Variants in PCDHGA6 observed in about 807,000 individuals in gnomAD.
The protein encoded by PCDHGA6 is protocadherin gamma-A6.
In PCDHGA6, 41 loss-of-function variants were observed where a neutral mutation model predicts 60.6. The ratio of observed to expected loss-of-function variants is 0.68; its 90% CI spans 0.53 to 0.88. The LOEUF (loss-of-function observed/expected upper bound fraction) is 0.88, where lower values mean the gene tolerates loss of function less well. Among genes scored for constraint, PCDHGA6 ranks in the 40% least tolerant of loss-of-function variants. PCDHGA6 has a pLI of 0.00. For synonymous variants in PCDHGA6, 594 were observed against 524.4 expected, an observed-to-expected ratio of 1.13 and a Z score of -1.81; for missense variants, 1,312 against 1,203.0, an observed-to-expected ratio of 1.09 and a Z score of -1.34.
Position 141,434,784 on chromosome 5 carries a change from AT to A in PCDHGA6, c.2424+58286del, listed in dbSNP as rs201914459. On this transcript the variant is annotated intron_variant, in intron 1 of 3. Transcript: ENST00000517434. The stretch of plus-strand genomic sequence containing the variant: ...ACTTCACACTTCTAAAAAAAAAAAA[AT>A]TTTTTTTTCTGAGCTTGGAGAAATA... Among the ~76,000 whole-genome samples the A allele has an allele frequency of 3.3e-4, 49 of 150,342 alleles. 1 individual carries two copies. Among genetic ancestry groups the A allele is most frequent in the Middle Eastern group, 3.4e-3 (1 of 290 alleles).
rs142329128 is a variant in PCDHGA6, at chr5:141,439,495, C to T, written c.2425-55312C>T. Among the ~76,000 whole-genome samples the T allele has an allele frequency of 9.7e-4, 147 of 152,324 alleles. 1 individual carries two copies. The highest frequency in any genetic ancestry group is 3.4e-3 in the African/African-American group (140 of 41,568). ...TCAGCTTGCAAATTCCAGTGAGAAACGTCTTTCTCTCTGCTCTCAACTAAC... is the reference window on the plus strand; with the variant it reads ...TCAGCTTGCAAATTCCAGTGAGAAATGTCTTTCTCTCTGCTCTCAACTAAC... On this transcript the variant is annotated intron_variant, in intron 1 of 3. Coordinates refer to ENST00000517434, the MANE Select transcript of PCDHGA6 (RefSeq NM_018919.3).
chr5:141,430,594 C>T, intron 1 of PCDHGA6: 3 of 563,604 alleles, frequency 5.3e-6, no homozygotes, highest in Non-Finnish European at 5.7e-6. Flanking sequence ...GCCTTGCACG[C>T]GCCTGAAGCA....
chr5:141,430,632 C>T, intron 1 of PCDHGA6: 1 of 852,604 alleles, frequency 1.2e-6, no homozygotes, highest in Non-Finnish European at 1.7e-6. Flanking sequence ...AATGAACCAT[C>T]CCTGGGAGTA....
chr5:141,384,425 C>T lies in PCDHGA6; in HGVS notation c.2424+7918C>T. ...GTGTCCTCCTATGTCTCCATAAACT[C>T]TGACACTGGAGTCCTGTACGCGCTG... On this transcript the variant is annotated intron_variant, in intron 1 of 3. Coordinates refer to ENST00000517434, the MANE Select transcript of PCDHGA6 (RefSeq NM_018919.3). 1.9e-6 allele frequency: 3 copies of T among 1,613,982 alleles called. No individual in the cohort carries two copies. The South Asian group carries it at 3.3e-5, about 18-fold the overall frequency.
At position 141,432,009 on chromosome 5, in the gene PCDHGA6, G is replaced by T. The variant is rs1227754190; in HGVS notation, c.2424+55502G>T. ...GTCTTGGATAGGGAACAGGTTCCTAGCTACAACATCACAGTGACCGCCACT... is the reference window on the plus strand; with the variant it reads ...GTCTTGGATAGGGAACAGGTTCCTATCTACAACATCACAGTGACCGCCACT... On this transcript the variant is annotated intron_variant, in intron 1 of 3. Transcript: ENST00000517434. The surrounding 1 kb of genome is among the most constrained non-coding windows in gnomAD (Gnocchi z 6.0). 1 of 1,614,070 alleles carries T rather than the reference G, an allele frequency of 6.2e-7. No homozygotes were observed. The highest frequency in any genetic ancestry group is 8.5e-7 in the Non-Finnish European group (1 of 1,180,032).
intron 1 of PCDHGA6, among the ~76,000 whole-genome samples, chr5:141,381,247 GA>G (rs1777085183): frequency 6.6e-6 from 1 of 152,240 alleles, no homozygotes; most frequent in Non-Finnish European, 1.5e-5. Flanking sequence ...CCAGGACCTA[GA>G]AGAATTTACA....
Position 141,432,492 on chromosome 5 carries a change from C to G in PCDHGA6, c.2424+55985C>G. The G allele has an allele frequency of 6.2e-7, 1 of 1,614,168 alleles. No individual in the cohort carries two copies. The highest frequency in any genetic ancestry group is 8.5e-7 in the Non-Finnish European group (1 of 1,180,040). On this transcript the variant is annotated intron_variant, in intron 1 of 3. Transcript: ENST00000517434. This position sits in a 1 kb window ranked among gnomAD's most constrained non-coding sequence, Gnocchi z 6.0. Reference sequence around the variant, plus strand: ...GACGGTTCCACTGGCGTGGAGCTGGCTCCCCGCTCCGCAGAGCCCGGCTAC... The same window carrying G: ...GACGGTTCCACTGGCGTGGAGCTGGGTCCCCGCTCCGCAGAGCCCGGCTAC...
Position 141,431,975 on chromosome 5 carries a change from A to G in PCDHGA6, c.2424+55468A>G. 1 of 1,614,218 alleles carries G rather than the reference A, an allele frequency of 6.2e-7. No individual in the cohort carries two copies. Among genetic ancestry groups the G allele is most frequent in the Non-Finnish European group, 8.5e-7 (1 of 1,180,022 alleles). ...TTACGGAAATTACTATAGTTTAGTC[A>G]CAGACATAGTCTTGGATAGGGAACA... On this transcript the variant is annotated intron_variant, in intron 1 of 3. Transcript: ENST00000517434. The surrounding 1 kb of genome is among the most constrained non-coding windows in gnomAD (Gnocchi z 4.8).
At chr5:141,428,102 G>T (rs774075619) in intron 1 of PCDHGA6, 38 of 1,608,516 alleles carry the variant, frequency 2.4e-5, no homozygotes, top group Non-Finnish European at 3.2e-5. Flanking sequence ...CCTACCACGT[G>T]CTGCAGGCCA....
Position 141,376,282 on chromosome 5 carries a change from G to A in PCDHGA6, c.2199G>A (p.Ala733=). Residue 733 remains alanine, a synonymous_variant, in exon 1 of 4, where the codon GCG becomes GCA. Transcript: ENST00000517434. ...RLLQASGGGL[A]SMPGSHFVGV... is the part of the protein sequence containing the mutation. Reference sequence around the variant, plus strand: ...TGCAGGCTTCGGGAGGTGGCTTAGCGAGCATGCCCGGCTCGCACTTTGTGG... The same window carrying A: ...TGCAGGCTTCGGGAGGTGGCTTAGCAAGCATGCCCGGCTCGCACTTTGTGG... 1 of 1,614,214 alleles carries A rather than the reference G, an allele frequency of 6.2e-7. No individual in the cohort carries two copies. The highest frequency in any genetic ancestry group is 8.5e-7 in the Non-Finnish European group (1 of 1,180,050).
chr5:141,385,108 A>C, intron 1 of PCDHGA6: 1 of 1,614,126 alleles, frequency 6.2e-7, no homozygotes, highest in Non-Finnish European at 8.5e-7. Flanking sequence ...GAACGTGCCC[A>C]CCTCGCACTT....
At chr5:141,507,003 G>A (rs569257489) in intron 3 of PCDHGA6, 3 of 152,342 alleles carry the variant, frequency 2.0e-5, no homozygotes, top group African/African-American at 7.2e-5. Context: ...CGACAGATGA[G>A]AGAACCGAGA....
intron 1 of PCDHGA6, chr5:141,399,529 G>A (rs946281582): frequency 3.1e-6 from 5 of 1,613,892 alleles, no homozygotes; most frequent in Non-Finnish European, 4.2e-6. Flanking sequence ...GGCCTCCATC[G>A]CGCAAGTCTG....
At chr5:141,430,573 A>T (rs938248057) in intron 1 of PCDHGA6, 2 of 449,056 alleles carry the variant, frequency 4.5e-6, no homozygotes, top group Non-Finnish European at 7.6e-6. Flanking sequence ...AGAAAAGCGG[A>T]GATCCTGCTC....
intron 1 of PCDHGA6, chr5:141,478,217 G>A: frequency 2.5e-6 from 4 of 1,614,094 alleles, no homozygotes. Flanking sequence ...TCTAATCCTG[G>A]TTTCTGTGGG....
rs773383689 is a variant in PCDHGA6, at chr5:141,383,358, G to T, written c.2424+6851G>T. 5 of 1,613,982 alleles carry T rather than the reference G, an allele frequency of 3.1e-6. No individual in the cohort carries two copies. The South Asian group carries it at 3.3e-5, about 11-fold the overall frequency. ...ATACAGCTCCTGGGGTTCGGTTTCC[G>T]TTAAGCGAGGCTGGGGATCCAGATG... On this transcript the variant is annotated intron_variant, in intron 1 of 3. Transcript: ENST00000517434.
At chr5:141,437,042 A>G (rs1355358776) in intron 1 of PCDHGA6, among the ~76,000 whole-genome samples, 1 of 152,264 alleles carries the variant, frequency 6.6e-6, no homozygotes, top group Non-Finnish European at 1.5e-5. Context: ...CACCGAAACC[A>G]GAAGGCTGGT....
At position 141,485,062 on chromosome 5, in the gene PCDHGA6, C is replaced by A; in HGVS notation, c.2425-9745C>A. 1 of 876,340 alleles carries A rather than the reference C, an allele frequency of 1.1e-6. No individual in the cohort carries two copies. Among genetic ancestry groups the A allele is most frequent in the African/African-American group, 1.7e-5 (1 of 59,510 alleles). The allele number at this position is 876,340 out of a possible 1,614,324, so 54.3% of individuals were successfully genotyped here. On this transcript the variant is annotated intron_variant, in intron 1 of 3. Coordinates refer to ENST00000517434, the MANE Select transcript of PCDHGA6 (RefSeq NM_018919.3). This position sits in a 1 kb window ranked among gnomAD's most constrained non-coding sequence, Gnocchi z 5.7. ...CCTTGCGGCGCCGGCCGAACCGCGC[C>A]AGAGCTGGCGCGGGGAAAGGGAGAT...
intron 1 of PCDHGA6, among the ~76,000 whole-genome samples, chr5:141,436,243 TA>T (rs1428637183): frequency 6.6e-6 from 1 of 152,154 alleles, no homozygotes; most frequent in Non-Finnish European, 1.5e-5. Context: ...TAACATGGTC[TA>T]ATTATTCTGA....
Sources: gnomAD v4.1 joint callset for allele counts (sites outside exome capture counted in the v4.1 genomes callset) on GRCh38, gnomAD v4.1.1 for gene constraint, Gnocchi (gnomAD v3.1) non-coding constraint, MANE v1.5 for transcripts, NCBI Gene and HGNC (gene_info 2026-07-23, HGNC 2026-07-21) for gene names.